The following FAM53B variants were observed in gnomAD, a reference collection of about 807,000 sequenced individuals.
FAM53B encodes family with sequence similarity 53 member B.
In FAM53B, 12 loss-of-function variants were observed where a neutral mutation model predicts 32.7. The observed-to-expected ratio is 0.37, with a 90% confidence interval of 0.24 to 0.59. The LOEUF (loss-of-function observed/expected upper bound fraction) is 0.59, where lower values mean the gene tolerates loss of function less well. Among genes scored for constraint, FAM53B ranks in the 20% least tolerant of loss-of-function variants. FAM53B has a pLI of 0.72. For missense variants in FAM53B, 477 were observed against 577.7 expected (o/e 0.83, Z 1.79); for synonymous variants, 234 against 228.7 (o/e 1.02, Z -0.21).
At chr10:124,674,433 G>A (rs1169778008) in intron 4 of FAM53B, among the ~76,000 whole-genome samples, 3 of 152,222 alleles carry the variant, frequency 2.0e-5, no homozygotes, top group Non-Finnish European at 4.4e-5. Context: ...GTGAGAGAGG[G>A]TGTCGCCACC....
intron 4 of FAM53B, among the ~76,000 whole-genome samples, chr10:124,666,909 C>A (rs1221117488): frequency 6.6e-6 from 1 of 152,246 alleles, no homozygotes; most frequent in Non-Finnish European, 1.5e-5. Context: ...GAGGGCACAG[C>A]CCAGAGCACC....
chr10:124,663,726 T>C (rs896539006), intron 4 of FAM53B, among the ~76,000 whole-genome samples: 4 of 152,124 alleles, frequency 2.6e-5, no homozygotes, highest in African/African-American at 7.2e-5. Flanking sequence ...CATGGTGATT[T>C]TGGGCCTTTA....
At chr10:124,694,255 C>A (rs1949853742) in intron 3 of FAM53B, among the ~76,000 whole-genome samples, 1 of 152,262 alleles carries the variant, frequency 6.6e-6, no homozygotes, top group South Asian at 2.1e-4. Context: ...AAGAGCCACT[C>A]TGTAAACAGG....
rs761006227 is a variant in FAM53B, at chr10:124,681,712, G to A, written c.801C>T (p.Arg267=). ...TGTCGTTAAGGACACACGGCTGGGA[G>A]CGGCTGCGGGAAAGGCCGCTGGAGC... The part of the protein sequence containing the change: ...ARRSSGLSRS[R]SQPCVLNDKK... The change falls in exon 4 of 5, where the codon CGC becomes CGT. Residue 267 remains arginine, a synonymous_variant. Transcript: ENST00000337318. 73 of 1,610,946 alleles carry A rather than the reference G, an allele frequency of 4.5e-5. No homozygotes were observed. The highest frequency in any genetic ancestry group is 5.9e-5 in the Non-Finnish European group (69 of 1,178,786).
intron 4 of FAM53B, among the ~76,000 whole-genome samples, chr10:124,642,017 C>T (rs1182730921): frequency 6.6e-6 from 1 of 152,220 alleles, no homozygotes; most frequent in Non-Finnish European, 1.5e-5. Flanking sequence ...AGCAGGTACA[C>T]AACTGAACAA....
chr10:124,739,211 C>G (rs137978461), intron 1 of FAM53B, among the ~76,000 whole-genome samples: 3 of 152,374 alleles, frequency 2.0e-5, no homozygotes. Context: ...GAACACACAG[C>G]AGGGCATATG....
intron 4 of FAM53B, among the ~76,000 whole-genome samples, chr10:124,676,420 T>G (rs957760634): frequency 2.0e-5 from 3 of 152,134 alleles, no homozygotes; most frequent in African/African-American, 7.2e-5. Flanking sequence ...ACTGGCAGGA[T>G]GGACAGGAAA....
Position 124,620,058 on chromosome 10 carries a change from G to A in FAM53B, c.*3184C>T, listed in dbSNP as rs931717529. 3.3e-5 allele frequency: 5 copies of A among 152,454 alleles called. No individual in the cohort carries two copies. The highest frequency in any genetic ancestry group is 4.1e-4 in the South Asian group (2 of 4,832). 9.4% of individuals were successfully genotyped at this position (152,454 alleles called of 1,614,324 possible). The stretch of plus-strand genomic sequence containing the variant: ...TTTGTTTTGTTTTCTTTTTAATGTG[G>A]ACTTCCCCTTTATTTAAATTTTCTT... On this transcript the variant is annotated 3_prime_UTR_variant, in exon 5 of 5. Coordinates refer to ENST00000337318, the MANE Select transcript of FAM53B (RefSeq NM_014661.4).
chr10:124,658,406 T>A lies in FAM53B; in HGVS notation c.906+23201A>T, dbSNP rs556160779. ...CCTGCCCATTGCCACATCCCTACCC[T>A]GGTTACATGTTACTGGTGTTTCTCA... is the stretch of plus-strand genomic sequence containing the variant. On this transcript the variant is annotated intron_variant, in intron 4 of 4. Transcript: ENST00000337318. Among the ~76,000 whole-genome samples the A allele has an allele frequency of 1.1e-3, 163 of 152,342 alleles. No homozygotes were observed. In the Middle Eastern group the frequency reaches 0.014, roughly 13 times the overall value.
chr10:124,727,417 C>T (rs893351503), intron 1 of FAM53B, among the ~76,000 whole-genome samples: 2 of 151,738 alleles, frequency 1.3e-5, no homozygotes, highest in African/African-American at 4.9e-5. Flanking sequence ...GGGCCCCTGG[C>T]CTGAGACTAG....
At chr10:124,626,388 G>GCCCCCCCCCC (rs34542605) in intron 4 of FAM53B, among the ~76,000 whole-genome samples, 14 of 101,764 alleles carry the variant, frequency 1.4e-4, no homozygotes, top group Admixed American at 2.1e-4. Context: ...CGAAATTTGT[G>GCCCCCCCCCC]CCCCCCCCCC....
In FAM53B at chr10:124,682,066, C is replaced by G. The variant is rs769782082; in HGVS notation, c.447G>C (p.Gly149=). 3 of 1,613,688 alleles carry G rather than the reference C, an allele frequency of 1.9e-6. No homozygotes were observed. In the South Asian group the frequency reaches 3.3e-5, roughly 18 times the overall value. The change falls in exon 4 of 5, where the codon GGG becomes GGC. Residue 149 remains glycine (G), a synonymous_variant. Coordinates refer to ENST00000337318, the MANE Select transcript of FAM53B (RefSeq NM_014661.4). The surrounding 1 kb of genome is among the most constrained non-coding windows in gnomAD (Gnocchi z 5.2). ...TPVEKRRCYS[G]GSVQRYSNGF... is the part of the protein sequence containing the mutation. ...CGTTGGAATAGCGCTGGACGCTGCC[C>G]CCGCTGTAGCAGCGTCTCTTTTCCA...
At chr10:124,721,043 T>C (rs1950065714) in intron 1 of FAM53B, among the ~76,000 whole-genome samples, 1 of 151,816 alleles carries the variant, frequency 6.6e-6, no homozygotes, top group Non-Finnish European at 1.5e-5. Flanking sequence ...CTACCAAAAA[T>C]ACAAAAAAAT....
At chr10:124,624,877 C>T (rs528053386) in intron 4 of FAM53B, among the ~76,000 whole-genome samples, 34 of 152,304 alleles carry the variant, frequency 2.2e-4, no homozygotes, top group African/African-American at 7.7e-4. Flanking sequence ...TCCTGGATAT[C>T]CCCAACCGGA....
intron 4 of FAM53B, among the ~76,000 whole-genome samples, chr10:124,633,245 A>AG (rs1478992128): frequency 7.6e-5 from 5 of 65,516 alleles, no homozygotes; most frequent in African/African-American, 1.8e-4. Context: ...GAAAATTGAT[A>AG]GAAAAAAAAA....
intron 3 of FAM53B, among the ~76,000 whole-genome samples, chr10:124,684,050 A>G (rs1313731093): frequency 6.6e-6 from 1 of 152,272 alleles, no homozygotes; most frequent in Admixed American, 6.5e-5. Flanking sequence ...CAGCAGAGCT[A>G]ACGGTGGTAC....
At chr10:124,739,577 A>G (rs1950189783) in intron 1 of FAM53B, among the ~76,000 whole-genome samples, 3 of 152,216 alleles carry the variant, frequency 2.0e-5, no homozygotes, top group Admixed American at 2.0e-4. Context: ...GCTGTTTACG[A>G]ACATGATTTG....
At chr10:124,646,133 G>A (rs892877967) in intron 4 of FAM53B, among the ~76,000 whole-genome samples, 1 of 152,190 alleles carries the variant, frequency 6.6e-6, no homozygotes, top group African/African-American at 2.4e-5. Flanking sequence ...ACTGCGGGAG[G>A]GGGAACAATG....
intron 1 of FAM53B, among the ~76,000 whole-genome samples, chr10:124,717,528 T>C (rs902337336): frequency 2.6e-5 from 4 of 152,234 alleles, no homozygotes; most frequent in Non-Finnish European, 5.9e-5. Context: ...GGCCAAATCC[T>C]TACTTGCTGC....
Sources: gnomAD v4.1 joint callset for allele counts (sites outside exome capture counted in the v4.1 genomes callset) on GRCh38, gnomAD v4.1.1 for gene constraint, Gnocchi (gnomAD v3.1) non-coding constraint, MANE v1.5 for transcripts, NCBI Gene and HGNC (gene_info 2026-07-23, HGNC 2026-07-21) for gene names.